ZBTB37: variants seen among roughly 807,000 people sequenced by gnomAD.
The protein encoded by ZBTB37 is zinc finger and BTB domain-containing protein 37.
Under a neutral mutation model 37.7 loss-of-function variants are expected in ZBTB37, and 15 were observed. The ratio of observed to expected loss-of-function variants is 0.40; its 90% CI spans 0.27 to 0.61. The LOEUF (loss-of-function observed/expected upper bound fraction) is 0.61. ZBTB37 is among the 20% of genes least tolerant of loss of function. The pLI, the probability that ZBTB37 is intolerant of heterozygous loss-of-function variation, is 0.44. For missense variants in ZBTB37, 514 were observed against 641.9 expected (o/e 0.80, Z 2.15); for synonymous variants, 231 against 220.6 (o/e 1.05, Z -0.42).
At position 173,871,176 on chromosome 1, in the gene ZBTB37, A is replaced by G. The variant is rs368551647; in HGVS notation, c.923+28A>G. The G allele has an allele frequency of 1.3e-6, 2 of 1,548,324 alleles. 1 individual carries two copies. Among genetic ancestry groups the G allele is most frequent in the South Asian group, 2.4e-5 (2 of 83,854 alleles). On this transcript the variant is annotated intron_variant, in intron 3 of 4. Coordinates refer to ENST00000427304, the Ensembl canonical transcript of ZBTB37. The stretch of plus-strand genomic sequence containing the variant: ...AGGTTTGGTTTGGTTTGGTTTTCCC[A>G]TGTAATGGCTATTGTGTAGACATCA...
chr1:173,873,215 A>T (rs563345676), intron 3 of ZBTB37, among the ~76,000 whole-genome samples: 88 of 152,184 alleles, frequency 5.8e-4, no homozygotes, highest in Non-Finnish European at 8.8e-4. Context: ...AAGAAAGCTT[A>T]TATTTAGCTT....
intron 4 of ZBTB37, among the ~76,000 whole-genome samples, chr1:173,884,698 G>A (rs980033080): frequency 1.2e-5 from 1 of 80,582 alleles, no homozygotes; most frequent in African/African-American, 6.6e-5. Flanking sequence ...ATTAAAATGT[G>A]GTATTAATGA....
At chr1:173,884,962 C>T (rs1249431817) in intron 4 of ZBTB37, among the ~76,000 whole-genome samples, 1 of 152,146 alleles carries the variant, frequency 6.6e-6, no homozygotes, top group Non-Finnish European at 1.5e-5. Context: ...GGCTGGGCGT[C>T]GTGGCTTACA....
In ZBTB37 at chr1:173,870,247, C is replaced by T; in HGVS notation, c.22C>T (p.Gln8Ter). The change falls in exon 3 of 5, where the codon CAA (glutamine) becomes TAA (stop). Residue 8 changes from glutamine to a stop codon, truncating the protein, a stop_gained. Transcript: ENST00000427304. LOFTEE classifies it high-confidence loss of function. ...GACCATGGAGAAAGGTGGGAACATA[C>T]AATTGGAGATTCCTGACTTCAGCAA... 6.2e-7 allele frequency: 1 copy of T among 1,613,138 alleles called. No homozygotes were observed. The highest frequency in any genetic ancestry group is 8.5e-7 in the Non-Finnish European group (1 of 1,179,218).
At chr1:173,873,731 T>C in intron 4 of ZBTB37, 165 bp downstream of exon 4, 1 of 1,220,318 alleles carries the variant, frequency 8.2e-7, no homozygotes. Flanking sequence ...AATATTAAAA[T>C]TATACAGAGA....
chr1:173,878,317 C>A (rs1384014044), intron 4 of ZBTB37, among the ~76,000 whole-genome samples: 4 of 152,198 alleles, frequency 2.6e-5, no homozygotes, highest in Non-Finnish European at 4.4e-5. Flanking sequence ...AAACTGAAAT[C>A]TCCTTGAGAG....
At chr1:173,891,357 T>G (rs1656832995), downstream of ZBTB37, 1 of 152,242 alleles carries the variant, frequency 6.6e-6, no homozygotes, top group South Asian at 2.1e-4. Flanking sequence ...GTATCTTAAT[T>G]TTAACTTCTT....
intron 4 of ZBTB37, among the ~76,000 whole-genome samples, chr1:173,880,169 C>G (rs961415385): frequency 6.6e-6 from 1 of 152,220 alleles, no homozygotes; most frequent in African/African-American, 2.4e-5. Flanking sequence ...CTTTGTATCT[C>G]TGACATTATC....
At chr1:173,869,670 A>T (rs974090477) in intron 2 of ZBTB37, among the ~76,000 whole-genome samples, 1 of 152,160 alleles carries the variant, frequency 6.6e-6, no homozygotes, top group Non-Finnish European at 1.5e-5. Context: ...TCTGATTCTT[A>T]AGCTTAGAAA....
chr1:173,893,399 A>G (rs1230792183), exon 4 of ZBTB37: 2 of 152,238 alleles, frequency 1.3e-5, no homozygotes, highest in Non-Finnish European at 2.9e-5. Context: ...AGTAAATATT[A>G]AGTACTTTTT....
exon 3 of ZBTB37, chr1:173,871,123 C>G (rs551484629): frequency 6.2e-7 from 1 of 1,608,432 alleles, no homozygotes; most frequent in Non-Finnish European, 8.5e-7. Context: ...CAAGGTGGCT[C>G]GGCCAACAAG....
chr1:173,897,341 G>A (rs1657089305), exon 4 of ZBTB37: 1 of 152,102 alleles, frequency 6.6e-6, no homozygotes, highest in Non-Finnish European at 1.5e-5. Flanking sequence ...CTTTCTATTT[G>A]TAAAGATGTT....
chr1:173,885,652 T>C (rs1417749120), exon 5 of ZBTB37: 16 of 1,551,658 alleles, frequency 1.0e-5, no homozygotes, highest in East Asian at 2.4e-5. Context: ...GAGTCAGCAA[T>C]GATGGGAGTA....
downstream of ZBTB37, chr1:173,889,067 T>C (rs1279737452): frequency 1.3e-5 from 2 of 152,244 alleles, no homozygotes; most frequent in African/African-American, 2.4e-5. Flanking sequence ...GTTCTCTCAA[T>C]TGGCCTAGCC....
exon 5 of ZBTB37, chr1:173,885,644 G>C (rs1471180353): frequency 6.4e-7 from 1 of 1,551,100 alleles, no homozygotes; most frequent in African/African-American, 1.4e-5. Context: ...AGGTAGAAGA[G>C]TCAGCAATGA....
exon 4 of ZBTB37, chr1:173,902,913 T>C (rs1023274152): frequency 6.6e-6 from 1 of 152,014 alleles, no homozygotes; most frequent in Non-Finnish European, 1.5e-5. Flanking sequence ...AACCGCCAAA[T>C]TGAAAAAGGG....
chr1:173,885,667 G>T (rs773686041), exon 5 of ZBTB37: 2 of 1,552,124 alleles, frequency 1.3e-6, no homozygotes, highest in Non-Finnish European at 8.7e-7. Flanking sequence ...GGAGTAAGTG[G>T]CTATGTGGAG....
intron 4 of ZBTB37, among the ~76,000 whole-genome samples, chr1:173,875,005 T>A (rs1440756501): frequency 6.6e-6 from 1 of 152,050 alleles, no homozygotes; most frequent in African/African-American, 2.4e-5. Context: ...AACTCTTTCC[T>A]GATTATAATA....
At chr1:173,873,779 C>T (rs1655726957) in intron 4 of ZBTB37, 14 of 667,984 alleles carry the variant, frequency 2.1e-5, no homozygotes, top group Non-Finnish European at 3.1e-5. Flanking sequence ...GGTATTTCTA[C>T]CAAGCATAGA....
Sources: gnomAD v4.1 joint callset for allele counts (sites outside exome capture counted in the v4.1 genomes callset) on GRCh38, gnomAD v4.1.1 for gene constraint, MANE v1.5 for transcripts, NCBI Gene and HGNC (gene_info 2026-07-23, HGNC 2026-07-21) for gene names.